BAIAP2: variants seen among roughly 807,000 people sequenced by gnomAD.
BAIAP2 encodes BAR/IMD domain-containing adapter protein 2.
In BAIAP2, 18 loss-of-function variants were observed where a neutral mutation model predicts 63.0. The ratio of observed to expected loss-of-function variants is 0.29; its 90% CI spans 0.20 to 0.42. The LOEUF (loss-of-function observed/expected upper bound fraction) is 0.42, where lower values mean the gene tolerates loss of function less well. Ranked by LOEUF, BAIAP2 falls within the 10% of genes least tolerant of loss-of-function variation. BAIAP2 has a pLI of 1.00. For synonymous variants in BAIAP2, 386 were observed against 307.6 expected (o/e 1.25, Z -2.67); for missense variants, 610 against 734.3 (o/e 0.83, Z 1.96).
chr17:81,057,721 T>C, intron 2 of BAIAP2, 160 bp from the exon 3 acceptor site: 2 of 1,402,474 alleles, frequency 1.4e-6, no homozygotes, highest in South Asian at 3.4e-5. Context: ...AAGAGATGGG[T>C]TCTGTCCAAC....
Position 81,046,952 on chromosome 17 carries a change from C to A in BAIAP2, c.55-6716C>A, listed in dbSNP as rs969778794. On this transcript the variant is annotated intron_variant, in intron 1 of 13. Transcript: ENST00000428708. The surrounding 1 kb of genome is among the most constrained non-coding windows in gnomAD (Gnocchi z 4.5). ...CTGGCACTGCCGGCCCCGCAGCTGC[C>A]ACCGGCTTCTGCCTGTCGCGACAGA... 6.6e-6 allele frequency among the ~76,000 whole-genome samples: 1 copy of A among 152,222 alleles called. No homozygotes were observed. The highest frequency in any genetic ancestry group is 1.5e-5 in the Non-Finnish European group (1 of 68,034).
At chr17:81,068,927 T>C (rs1383126479) in intron 3 of BAIAP2, among the ~76,000 whole-genome samples, 1 of 152,106 alleles carries the variant, frequency 6.6e-6, no homozygotes, top group Non-Finnish European at 1.5e-5. Context: ...GCTGCCGAGC[T>C]CCAGCTGCTC....
chr17:81,038,046 G>A (rs1205432225), intron 1 of BAIAP2, among the ~76,000 whole-genome samples: 1 of 152,226 alleles, frequency 6.6e-6, no homozygotes, highest in Non-Finnish European at 1.5e-5. Context: ...GACCTTCTGG[G>A]GGCACTGCGT....
rs558756217 is a variant in BAIAP2, at chr17:81,090,175, C to T, written c.489+3595C>T. Reference sequence around the variant, plus strand: ...GCTTAGGCTTGGATCTGGCTCTGTCCCTTATGGGTCATGTGGCCGCAGCAA... The same window carrying T: ...GCTTAGGCTTGGATCTGGCTCTGTCTCTTATGGGTCATGTGGCCGCAGCAA... On this transcript the variant is annotated intron_variant, in intron 6 of 13. Transcript: ENST00000428708. Among the ~76,000 whole-genome samples the T allele has an allele frequency of 1.3e-3, 194 of 152,304 alleles. 2 individuals are homozygous for T. Among genetic ancestry groups the T allele is most frequent in the Non-Finnish European group, 2.3e-3 (158 of 68,012 alleles).
intron 2 of BAIAP2, among the ~76,000 whole-genome samples, chr17:81,056,726 G>T (rs545088110): frequency 2.0e-4 from 31 of 152,236 alleles, no homozygotes; most frequent in Non-Finnish European, 4.4e-5. Context: ...TGATGGCCTG[G>T]TGGGAATGAG....
At chr17:81,090,877 A>G (rs773833211) in intron 6 of BAIAP2, among the ~76,000 whole-genome samples, 1 of 151,990 alleles carries the variant, frequency 6.6e-6, no homozygotes, top group Non-Finnish European at 1.5e-5. Context: ...GCCTTTGCAA[A>G]CCCGGCCAGC....
At chr17:81,096,985 A>G (rs1470962537) in intron 6 of BAIAP2, among the ~76,000 whole-genome samples, 2 of 152,104 alleles carry the variant, frequency 1.3e-5, no homozygotes, top group African/African-American at 4.8e-5. Context: ...GGAGAGGAGG[A>G]GGAGGAGGAG....
At chr17:81,058,110 T>C (rs1322999952) in intron 3 of BAIAP2, 143 bp downstream of exon 3, 15 of 714,406 alleles carry the variant, frequency 2.1e-5, no homozygotes, top group Non-Finnish European at 3.3e-5. Context: ...ACAGTCACCC[T>C]GGGAGCTGCC....
Position 81,057,983 on chromosome 17 carries a change from C to CCCA in BAIAP2, c.217+18_217+19insACC. The CCCA allele has an allele frequency of 7.4e-6, 9 of 1,212,408 alleles. No individual in the cohort carries two copies. The highest frequency in any genetic ancestry group is 9.8e-6 in the Non-Finnish European group (9 of 922,472). 75.1% of individuals were successfully genotyped at this position (1,212,408 alleles called of 1,614,324 possible). A position where few individuals can be genotyped will look rare whatever the true frequency, so the allele number is the denominator to read the frequency against. ...AAAGAACTCGGTGAGACCCCCCCCC[C>CCCA]CCCCCCGCCTGGTAGTCGCCTGATG... On this transcript the variant is annotated intron_variant, in intron 3 of 13. Coordinates refer to ENST00000428708, the MANE Select transcript of BAIAP2 (RefSeq NM_001144888.2).
chr17:81,110,980 G>C, intron 13 of BAIAP2: 3 of 1,613,606 alleles, frequency 1.9e-6, no homozygotes, highest in Non-Finnish European at 2.5e-6. Flanking sequence ...TGGCGTTCTC[G>C]TGCAGTCACT....
chr17:81,112,609 G>A (rs938157137), intron 13 of BAIAP2, among the ~76,000 whole-genome samples: 4 of 152,258 alleles, frequency 2.6e-5, no homozygotes, highest in African/African-American at 9.6e-5. Flanking sequence ...ACCTTCTGAA[G>A]ACACGAAGAA....
intron 2 of BAIAP2, among the ~76,000 whole-genome samples, chr17:81,054,969 C>CGT (rs1436107049): frequency 6.6e-6 from 1 of 152,152 alleles, no homozygotes; most frequent in East Asian, 1.9e-4. Flanking sequence ...TACCCTCTAC[C>CGT]GTGTCTGTCC....
chr17:81,098,001 G>A (rs1456378580), intron 6 of BAIAP2: 12 of 830,712 alleles, frequency 1.4e-5, no homozygotes, highest in Middle Eastern at 4.1e-4. Context: ...CGGGAACCCC[G>A]GGTGCCGGGT....
rs955983109 is a variant in BAIAP2 at position 81,046,908 on chromosome 17, C to G, written c.55-6760C>G. Among the ~76,000 whole-genome samples the G allele has an allele frequency of 6.6e-6, 1 of 152,212 alleles. No homozygotes were observed. Among genetic ancestry groups the G allele is most frequent in the Admixed American group, 6.5e-5 (1 of 15,276 alleles). On this transcript the variant is annotated intron_variant, in intron 1 of 13. Coordinates refer to ENST00000428708, the MANE Select transcript of BAIAP2 (RefSeq NM_001144888.2). The surrounding 1 kb of genome is among the most constrained non-coding windows in gnomAD (Gnocchi z 4.5). ...TCATGCTGTGGCTGTGGTGGCACAGCGGGCTGGGGGAAGCCCCTCTGGCAC... is the reference window on the plus strand; with the variant it reads ...TCATGCTGTGGCTGTGGTGGCACAGGGGGCTGGGGGAAGCCCCTCTGGCAC...
intron 3 of BAIAP2, among the ~76,000 whole-genome samples, chr17:81,077,785 C>T (rs1598661412): frequency 6.6e-6 from 1 of 151,880 alleles, no homozygotes; most frequent in South Asian, 2.1e-4. Context: ...TGGGTGGGAG[C>T]CGGGCGCTGT....
At chr17:81,076,123 G>A (rs897746371) in intron 3 of BAIAP2, 1 of 152,204 alleles carries the variant, frequency 6.6e-6, no homozygotes, top group Admixed American at 6.5e-5. Flanking sequence ...CTGCTTGGCT[G>A]GGGGGAGTGC....
At chr17:81,060,897 T>C (rs1367582853) in intron 3 of BAIAP2, among the ~76,000 whole-genome samples, 2 of 151,728 alleles carry the variant, frequency 1.3e-5, no homozygotes, top group Non-Finnish European at 2.9e-5. Flanking sequence ...CTGAGGCAGG[T>C]GGATTGCCTG....
intron 13 of BAIAP2, chr17:81,110,267 AG>A (rs1449956559): frequency 1.0e-6 from 1 of 985,586 alleles, no homozygotes; most frequent in Non-Finnish European, 1.2e-6. Context: ...GACATTAAGG[AG>A]AGCTCAAGGG....
At chr17:81,103,805 A>G in intron 8 of BAIAP2, 82 bp downstream of exon 8, 2 of 1,581,916 alleles carry the variant, frequency 1.3e-6, no homozygotes, top group Non-Finnish European at 1.7e-6. Context: ...GCCAGGGTGC[A>G]GAGTCCAGGG....
Sources: allele counts gnomAD v4.1 joint callset (sites outside exome capture counted in the v4.1 genomes callset), GRCh38; gene constraint gnomAD v4.1.1; non-coding constraint Gnocchi (gnomAD v3.1); transcripts MANE v1.5; gene names NCBI Gene and HGNC (gene_info 2026-07-23, HGNC 2026-07-21).